The following PDE7B variants were observed in gnomAD, a reference collection of about 807,000 sequenced individuals.
PDE7B encodes the protein phosphodiesterase 7B.
Under a neutral mutation model 56.2 loss-of-function variants are expected in PDE7B, and 29 were observed. That is an observed-to-expected ratio of 0.52 (90% confidence interval 0.38 to 0.70). The LOEUF is 0.70. PDE7B is among the 30% of genes least tolerant of loss of function. The probability of loss-of-function intolerance (pLI) is 0.00; values close to 1 mark genes in which losing one functional copy is unlikely to be tolerated. For missense variants in PDE7B, 490 were observed against 565.0 expected (o/e 0.87, Z 1.35); for synonymous variants, 197 against 196.9 (o/e 1.00, Z 0.00).
chr6:136,072,829 G>C (rs1777071525), intron 2 of PDE7B: 1 of 152,196 alleles, frequency 6.6e-6, no homozygotes, highest in Non-Finnish European at 1.5e-5. Flanking sequence ...AACTGGCCTG[G>C]TTGCCATGGT....
chr6:135,981,348 A>T (rs148013349), intron 2 of PDE7B, among the ~76,000 whole-genome samples: 6,524 of 151,022 alleles, frequency 0.043, 438 homozygotes, highest in African/African-American at 0.14. Flanking sequence ...GACGAGTTAG[A>T]GGGTGCAGCG....
chr6:135,915,764 A>C (rs1773914334), intron 1 of PDE7B, among the ~76,000 whole-genome samples: 1 of 152,078 alleles, frequency 6.6e-6, no homozygotes. Flanking sequence ...GATTAGTTTC[A>C]CCTGTTGAAG....
At chr6:136,070,866 CA>C (rs1347823261) in intron 2 of PDE7B, among the ~76,000 whole-genome samples, 1 of 152,070 alleles carries the variant, frequency 6.6e-6, no homozygotes, top group African/African-American at 2.4e-5. Flanking sequence ...ACGTAGGAAC[CA>C]AACCCAAACT....
chr6:135,890,310 G>A (rs535007132), intron 1 of PDE7B, among the ~76,000 whole-genome samples: 22 of 152,262 alleles, frequency 1.4e-4, no homozygotes, highest in African/African-American at 4.8e-4. Context: ...TTTTAACACC[G>A]TAAGTTTATC....
chr6:136,190,489 A>G lies in PDE7B; in HGVS notation c.1127-1125A>G, dbSNP rs540315321. Reference sequence around the variant, plus strand: ...CTATCCTTGTAATTCACATGCCTGTAAACATACAGGATTAGTGTTGGAAAT... The same window carrying G: ...CTATCCTTGTAATTCACATGCCTGTGAACATACAGGATTAGTGTTGGAAAT... On this transcript the variant is annotated intron_variant, in intron 12 of 12. Coordinates refer to ENST00000308191, the MANE Select transcript of PDE7B (RefSeq NM_018945.4). Among the ~76,000 whole-genome samples the G allele has an allele frequency of 9.5e-4, 144 of 152,356 alleles. 1 individual carries two copies. Among genetic ancestry groups the G allele is most frequent in the African/African-American group, 3.2e-3 (134 of 41,580 alleles).
chr6:136,052,923 T>C (rs926693405), intron 2 of PDE7B, among the ~76,000 whole-genome samples: 2 of 152,004 alleles, frequency 1.3e-5, no homozygotes, highest in Non-Finnish European at 2.9e-5. Context: ...GACATATTCT[T>C]GATCCCTTAT....
intron 2 of PDE7B, among the ~76,000 whole-genome samples, chr6:136,074,281 T>A (rs965781721): frequency 1.3e-5 from 2 of 150,930 alleles, no homozygotes; most frequent in African/African-American, 4.9e-5. Flanking sequence ...TGTTTAAGGG[T>A]TTTTTAATTT....
chr6:135,895,895 A>G (rs539607374), intron 1 of PDE7B, among the ~76,000 whole-genome samples: 2 of 152,214 alleles, frequency 1.3e-5, no homozygotes, highest in South Asian at 4.2e-4. Flanking sequence ...CACTGATTCC[A>G]TCACACTCCC....
intron 2 of PDE7B, among the ~76,000 whole-genome samples, chr6:136,107,630 TCTTAA>T (rs567778971): frequency 1.6e-3 from 251 of 152,130 alleles, no homozygotes; most frequent in African/African-American, 5.4e-3. Context: ...TCGAAGTGGG[TCTTAA>T]CTTTATTTTA....
chr6:135,904,334 C>G (rs1020388370), intron 1 of PDE7B, among the ~76,000 whole-genome samples: 3 of 152,176 alleles, frequency 2.0e-5, no homozygotes, highest in Admixed American at 6.5e-5. Flanking sequence ...CTGCTTGTTG[C>G]TGGCTGAGCC....
At chr6:136,065,156 C>A (rs1427485997) in intron 2 of PDE7B, among the ~76,000 whole-genome samples, 1 of 152,158 alleles carries the variant, frequency 6.6e-6, no homozygotes, top group Non-Finnish European at 1.5e-5. Flanking sequence ...AATACTACAG[C>A]TCGTATTTCT....
intron 1 of PDE7B, among the ~76,000 whole-genome samples, chr6:135,899,984 T>A (rs545505454): frequency 2.5e-4 from 38 of 152,280 alleles, no homozygotes; most frequent in Middle Eastern, 3.4e-3. Context: ...TAACACCCTT[T>A]TAAACTTCAA....
intron 1 of PDE7B, among the ~76,000 whole-genome samples, chr6:135,866,821 G>A (rs1211268431): frequency 6.6e-6 from 1 of 152,184 alleles, no homozygotes; most frequent in African/African-American, 2.4e-5. Flanking sequence ...CACTAGCCAT[G>A]TCCTGTGGAA....
chr6:135,902,799 G>T (rs1456361500), intron 1 of PDE7B, among the ~76,000 whole-genome samples: 1 of 152,140 alleles, frequency 6.6e-6, no homozygotes, highest in Non-Finnish European at 1.5e-5. Flanking sequence ...CTGTTACTAT[G>T]ACTAGAAGAA....
At chr6:135,878,824 T>C (rs984106506) in intron 1 of PDE7B, among the ~76,000 whole-genome samples, 4 of 152,214 alleles carry the variant, frequency 2.6e-5, no homozygotes, top group Middle Eastern at 3.2e-3. Flanking sequence ...TTGTTTTATC[T>C]TAATTATTAG....
chr6:136,181,771 A>AT (rs1231100142), intron 11 of PDE7B, among the ~76,000 whole-genome samples: 1 of 152,112 alleles, frequency 6.6e-6, no homozygotes, highest in African/African-American at 2.4e-5. Context: ...TAAAAAAAAA[A>AT]AAATAATGAA....
At chr6:135,956,666 G>A (rs944843366) in intron 2 of PDE7B, among the ~76,000 whole-genome samples, 30 of 152,024 alleles carry the variant, frequency 2.0e-4, no homozygotes, top group Non-Finnish European at 2.9e-5. Flanking sequence ...TATAGTCTCA[G>A]CTACTCAGGA....
At chr6:135,914,481 A>C (rs1255792466) in intron 1 of PDE7B, among the ~76,000 whole-genome samples, 1 of 76,624 alleles carries the variant, frequency 1.3e-5, no homozygotes, top group African/African-American at 8.0e-5. Flanking sequence ...CCCTTTTTAT[A>C]ATGCTTTTTT....
intron 2 of PDE7B, among the ~76,000 whole-genome samples, chr6:136,103,320 A>T (rs1243509238): frequency 6.6e-6 from 1 of 152,184 alleles, no homozygotes; most frequent in African/African-American, 2.4e-5. Context: ...TCTCTGCCTA[A>T]GTTATCTGAA....
Sources: gnomAD v4.1 joint callset for allele counts (sites outside exome capture counted in the v4.1 genomes callset) on GRCh38, gnomAD v4.1.1 for gene constraint, MANE v1.5 for transcripts, NCBI Gene and HGNC (gene_info 2026-07-23, HGNC 2026-07-21) for gene names.